TAF4: variants seen among roughly 807,000 people sequenced by gnomAD.
TAF4 encodes TATA-box binding protein associated factor 4.
In TAF4, 9 loss-of-function variants were observed where a neutral mutation model predicts 90.3. That is an observed-to-expected ratio of 0.10 (90% CI 0.06 to 0.17). The LOEUF (loss-of-function observed/expected upper bound fraction) is 0.17, where lower values mean the gene tolerates loss of function less well. Ranked by LOEUF, TAF4 falls within the 10% of genes least tolerant of loss-of-function variation. TAF4 has a pLI of 1.00. For missense variants in TAF4, 1,351 were observed against 1,370.7 expected, an observed-to-expected ratio of 0.99 and a Z score of 0.23; for synonymous variants, 818 against 638.9, an observed-to-expected ratio of 1.28 and a Z score of -4.23.
intron 1 of TAF4, among the ~76,000 whole-genome samples, chr20:62,055,601 T>C (rs1044690753): frequency 9.9e-5 from 15 of 152,154 alleles, no homozygotes; most frequent in African/African-American, 2.4e-5. Context: ...CCCTACAATA[T>C]CAATTCACAC....
In TAF4 at chr20:61,990,027, G is replaced by A. The variant is rs1187525382; in HGVS notation, c.3090+7523C>T. On this transcript the variant is annotated intron_variant, in intron 14 of 14. Coordinates refer to ENST00000252996, the MANE Select transcript of TAF4 (RefSeq NM_003185.4). ...AAATGCTAACACGGCCATGGGAATC[G>A]GCCACGACGCTGTGGAGAAACACAG... Among the ~76,000 whole-genome samples, 6 of 152,242 alleles carry A rather than the reference G, an allele frequency of 3.9e-5. No individual in the cohort carries two copies. In the East Asian group the frequency reaches 9.7e-4, roughly 25 times the overall value.
At position 61,976,256 on chromosome 20, in the gene TAF4, C is replaced by T; in HGVS notation, c.3170G>A (p.Arg1057Gln). ...PRQFTRQRIT[R>Q]VNLRDLIFCL... ...AAATATGAGGTCCCTGAGGTTGACC[C>T]GCGTGATTCTTTGTCGCGTGAACTG... Residue 1057 changes from arginine to glutamine, a missense_variant, in exon 15 of 15, where the codon CGG becomes CAG. Coordinates refer to ENST00000252996, the MANE Select transcript of TAF4 (RefSeq NM_003185.4). 1.9e-6 allele frequency: 3 copies of T among 1,614,006 alleles called. No individual in the cohort carries two copies. Among genetic ancestry groups the T allele is most frequent in the Non-Finnish European group, 2.5e-6 (3 of 1,180,036 alleles).
chr20:61,998,078 TGGG>T, intron 13 of TAF4, 55 bp downstream of exon 13: 1 of 1,516,700 alleles, frequency 6.6e-7, no homozygotes. Flanking sequence ...CCCCCTCCCG[TGGG>T]GCGCTACAGT....
chr20:61,983,121 G>A (rs1483715766), intron 14 of TAF4, among the ~76,000 whole-genome samples: 2 of 152,028 alleles, frequency 1.3e-5, no homozygotes, highest in African/African-American at 4.8e-5. Flanking sequence ...AAAGGCAGAG[G>A]AAGAAGCCAC....
chr20:62,003,817 T>G lies in TAF4; in HGVS notation c.2285A>C (p.Gln762Pro), dbSNP rs761089414. The G allele has an allele frequency of 6.2e-7, 1 of 1,606,388 alleles. No homozygotes were observed. The change falls in exon 8 of 15, where the codon CAG (glutamine) becomes CCG (proline). Residue 762 changes from glutamine (Q) to proline (P), a missense_variant. Around this residue, in one of 9 missense-constraint regions of TAF4, gnomAD observed 202 missense variants for 229.7 expected, o/e 0.88. Transcript: ENST00000252996. ...CTGCCGCAGGGCGACCATGGGTGTC[T>G]GCGTCAACGTCACCTGCGGGGGCCG... is the stretch of plus-strand genomic sequence containing the variant. ...LIRPPQVTLTQTPMVALRQPH... is the reference protein window; with the variant it reads ...LIRPPQVTLTPTPMVALRQPH...
intron 9 of TAF4, 144 bp from the exon 10 acceptor site, chr20:62,000,865 G>C (rs1229589346): frequency 2.5e-6 from 2 of 787,316 alleles, no homozygotes; most frequent in Non-Finnish European, 4.0e-6. Flanking sequence ...TGCACCTGCT[G>C]CATCTGCCAC....
intron 2 of TAF4, among the ~76,000 whole-genome samples, chr20:62,013,272 G>A (rs948590325): frequency 1.3e-5 from 2 of 152,228 alleles, no homozygotes; most frequent in Non-Finnish European, 2.9e-5. Flanking sequence ...AAAGGCAGAC[G>A]GCCAGTCAGT....
At chr20:62,017,794 A>C (rs1021640184) in intron 1 of TAF4, among the ~76,000 whole-genome samples, 7 of 152,062 alleles carry the variant, frequency 4.6e-5, no homozygotes, top group Admixed American at 4.6e-4. Context: ...AGATTGCACC[A>C]CTGCACTCCA....
At chr20:61,990,632 G>C (rs750721527) in intron 14 of TAF4, among the ~76,000 whole-genome samples, 7 of 152,194 alleles carry the variant, frequency 4.6e-5, no homozygotes, top group Non-Finnish European at 7.4e-5. Flanking sequence ...GGGAGGACCA[G>C]GGAGGGCAGC....
chr20:62,047,524 C>G (rs184590170), intron 1 of TAF4, among the ~76,000 whole-genome samples: 1 of 152,190 alleles, frequency 6.6e-6, no homozygotes, highest in Non-Finnish European at 1.5e-5. Context: ...ACCCTCCCCA[C>G]CCCCGCACAA....
chr20:62,029,580 C>T (rs1014330753), intron 1 of TAF4, among the ~76,000 whole-genome samples: 3 of 152,154 alleles, frequency 2.0e-5, no homozygotes, highest in Non-Finnish European at 4.4e-5. Flanking sequence ...GAAGGCCTGA[C>T]TCCTGGCCTC....
intron 3 of TAF4, 96 bp downstream of exon 3, chr20:62,012,716 TAAA>T (rs60638506): frequency 1.1e-4 from 118 of 1,117,734 alleles, no homozygotes; most frequent in Non-Finnish European, 1.2e-4. Flanking sequence ...GTATCCAGTT[TAAA>T]AAAAAAAAAA....
intron 1 of TAF4, among the ~76,000 whole-genome samples, chr20:62,025,099 C>G (rs1409471752): frequency 6.6e-6 from 1 of 152,098 alleles, no homozygotes; most frequent in African/African-American, 2.4e-5. Flanking sequence ...GTGGGAGCCT[C>G]TCTGACAACA....
At chr20:62,027,235 T>C (rs1004765357) in intron 1 of TAF4, among the ~76,000 whole-genome samples, 10 of 152,158 alleles carry the variant, frequency 6.6e-5, no homozygotes, top group African/African-American at 2.4e-4. Context: ...GAAGCCAGCC[T>C]CGCAGCCCTG....
Position 62,010,043 on chromosome 20 carries a change from T to C in TAF4, c.1761+3A>G. On this transcript the variant is annotated splice_donor_region_variant and intron_variant, in intron 4 of 14. Coordinates refer to ENST00000252996, the MANE Select transcript of TAF4 (RefSeq NM_003185.4). The surrounding 1 kb of genome is among the most constrained non-coding windows in gnomAD (Gnocchi z 4.5). ...TGAAGGCACGGAAAGGAGTGGCTCTTACCGTGGCAGCTGAGGAAGTGGTGG... is the reference window on the plus strand; with the variant it reads ...TGAAGGCACGGAAAGGAGTGGCTCTCACCGTGGCAGCTGAGGAAGTGGTGG... The C allele has an allele frequency of 1.9e-6, 3 of 1,613,116 alleles. No individual in the cohort carries two copies. The highest frequency in any genetic ancestry group is 1.7e-5 in the Admixed American group (1 of 60,006).
intron 2 of TAF4, among the ~76,000 whole-genome samples, 184 bp downstream of exon 2, chr20:62,014,363 A>C (rs2055800850): frequency 6.6e-6 from 1 of 151,430 alleles, no homozygotes; most frequent in South Asian, 2.1e-4. Context: ...CACCGAGAGG[A>C]GGACAGGAGA....
chr20:62,061,637 T>A (rs2056089190), intron 1 of TAF4, among the ~76,000 whole-genome samples: 1 of 152,252 alleles, frequency 6.6e-6, no homozygotes, highest in Admixed American at 6.5e-5. Context: ...AATCACCTTT[T>A]TCTTCTTTCA....
At chr20:61,998,415 A>G (rs377668132) in intron 12 of TAF4, among the ~76,000 whole-genome samples, 25 of 152,364 alleles carry the variant, frequency 1.6e-4, no homozygotes, top group East Asian at 5.8e-4. Context: ...TGTAAGATAC[A>G]GTCTTTGAAA....
Position 62,065,826 on chromosome 20 carries a change from GCCGCCGCCGC to G in TAF4, c.-26_-17del. 2 of 1,257,634 alleles carry G rather than the reference GCCGCCGCCGC, an allele frequency of 1.6e-6. No homozygotes were observed. The highest frequency in any genetic ancestry group is 2.0e-6 in the Non-Finnish European group (2 of 978,228). 77.9% of individuals were successfully genotyped at this position (1,257,634 alleles called of 1,614,324 possible). A position where few individuals can be genotyped will look rare whatever the true frequency, so the allele number is the denominator to read the frequency against. On this transcript the variant is annotated 5_prime_UTR_variant, in exon 1 of 15. Transcript: ENST00000252996. ...CCGCCGCCATCTTTTTTCCTCGGCC[GCCGCCGCCGC>G]CGCCGCTCGGGCCGAGCGCGCCTGG...
Sources: gnomAD v4.1 joint callset for allele counts (sites outside exome capture counted in the v4.1 genomes callset) on GRCh38, gnomAD v4.1.1 for gene constraint, gnomAD v4.1.1 regional missense constraint, Gnocchi (gnomAD v3.1) non-coding constraint, MANE v1.5 for transcripts, NCBI Gene and HGNC (gene_info 2026-07-23, HGNC 2026-07-21) for gene names.